Variants in ABCA12 observed in about 807,000 individuals in gnomAD.
The protein encoded by ABCA12 is glucosylceramide transporter ABCA12.
Under a neutral mutation model 293.5 loss-of-function variants are expected in ABCA12, and 156 were observed. The observed-to-expected ratio is 0.53, with a 90% CI of 0.47 to 0.61. The LOEUF (loss-of-function observed/expected upper bound fraction) is 0.61. Ranked by LOEUF, ABCA12 falls within the 20% of genes least tolerant of loss-of-function variation. The pLI is 0.00. For missense variants in ABCA12, 2,797 were observed against 3,090.2 expected (o/e 0.91, Z 2.25); for synonymous variants, 1,063 against 1,108.0 (o/e 0.96, Z 0.81).
chr2:215,033,446 A>C (rs1327825553), intron 8 of ABCA12, among the ~76,000 whole-genome samples: 1 of 152,176 alleles, frequency 6.6e-6, no homozygotes, highest in African/African-American at 2.4e-5. Flanking sequence ...ATAAGTAACT[A>C]ATAGAAAATT....
At chr2:215,123,710 T>C (rs1170410887) in intron 1 of ABCA12, among the ~76,000 whole-genome samples, 1 of 152,228 alleles carries the variant, frequency 6.6e-6, no homozygotes, top group Non-Finnish European at 1.5e-5. Flanking sequence ...AATGTTTTCT[T>C]TTCTCTGCAT....
At chr2:215,040,826 A>C (rs994381452) in intron 7 of ABCA12, among the ~76,000 whole-genome samples, 15 of 129,344 alleles carry the variant, frequency 1.2e-4, no homozygotes, top group Admixed American at 3.5e-4. Flanking sequence ...AACAAACAAA[A>C]AAACAAAAAA....
intron 7 of ABCA12, among the ~76,000 whole-genome samples, chr2:215,045,421 T>C (rs928551343): frequency 7.2e-5 from 11 of 152,222 alleles, no homozygotes; most frequent in Non-Finnish European, 1.5e-5. Flanking sequence ...ACCAATATGG[T>C]TGTTTTATGT....
At chr2:215,074,528 A>ATATT (rs1179601382) in intron 2 of ABCA12, among the ~76,000 whole-genome samples, 3 of 152,230 alleles carry the variant, frequency 2.0e-5, no homozygotes, top group Non-Finnish European at 4.4e-5. Flanking sequence ...AAGCCAATAC[A>ATATT]ATAATATGGG....
At chr2:215,063,954 G>C (rs12694351) in intron 3 of ABCA12, 112 bp downstream of exon 3, 475,849 of 1,335,286 alleles carry the variant, frequency 0.36, 86,770 homozygotes, top group Middle Eastern at 0.41. Flanking sequence ...CACATTTATA[G>C]ACAGAGAAAA....
At chr2:215,087,436 C>G (rs2106102206) in intron 2 of ABCA12, among the ~76,000 whole-genome samples, 1 of 151,180 alleles carries the variant, frequency 6.6e-6, no homozygotes, top group South Asian at 2.1e-4. Flanking sequence ...GTCTTAAGAG[C>G]AAATATAGAT....
At chr2:215,113,809 C>T (rs1252564820) in intron 1 of ABCA12, among the ~76,000 whole-genome samples, 4 of 152,128 alleles carry the variant, frequency 2.6e-5, no homozygotes, top group Non-Finnish European at 4.4e-5. Context: ...GAACCTGTGA[C>T]TTTGTCACTA....
intron 2 of ABCA12, among the ~76,000 whole-genome samples, chr2:215,076,518 G>A (rs201931042): frequency 6.6e-6 from 1 of 152,102 alleles, no homozygotes; most frequent in Non-Finnish European, 1.5e-5. Context: ...AAACACAAGT[G>A]TTGAGAGGAT....
At chr2:215,023,408 G>C (rs759766540) in intron 11 of ABCA12, 7 of 152,184 alleles carry the variant, frequency 4.6e-5, no homozygotes, top group Admixed American at 1.3e-4. Context: ...AAAGAAACGA[G>C]TGTAGTTTAT....
chr2:214,990,101 A>C (rs1316622058), intron 24 of ABCA12, among the ~76,000 whole-genome samples: 2 of 152,234 alleles, frequency 1.3e-5, no homozygotes, highest in African/African-American at 4.8e-5. Flanking sequence ...TTAAACCCAA[A>C]GTTGTCAATG....
chr2:214,978,472 A>G lies in ABCA12; in HGVS notation c.4978-6T>C, dbSNP rs372987762. 9.9e-6 allele frequency: 16 copies of G among 1,612,910 alleles called. No individual in the cohort carries two copies. The highest frequency in any genetic ancestry group is 1.3e-5 in the African/African-American group (1 of 74,920). On this transcript the variant is annotated splice_region_variant and splice_polypyrimidine_tract_variant and intron_variant, in intron 32 of 52. Transcript: ENST00000272895. The stretch of plus-strand genomic sequence containing the variant: ...TTGGTCAAGTTCAGAAAGACCTAGA[A>G]AGAGAAGCCAGATCACTTCATTAAC...
chr2:215,089,830 T>A (rs556814615), intron 2 of ABCA12, among the ~76,000 whole-genome samples: 7 of 152,338 alleles, frequency 4.6e-5, no homozygotes, highest in South Asian at 4.1e-4. Context: ...GACCAGTTTT[T>A]TAAAGCATGA....
At chr2:214,958,093 C>T (rs183288660) in intron 41 of ABCA12, among the ~76,000 whole-genome samples, 184 bp downstream of exon 41, 2 of 152,134 alleles carry the variant, frequency 1.3e-5, no homozygotes, top group African/African-American at 4.8e-5. Flanking sequence ...AGATGAGGGC[C>T]GGTAGGTTAT....
At chr2:215,062,204 G>A (rs186121562) in intron 3 of ABCA12, among the ~76,000 whole-genome samples, 67 of 151,934 alleles carry the variant, frequency 4.4e-4, no homozygotes, top group African/African-American at 1.4e-3. Context: ...TTTTCCCTCC[G>A]CTGCTAGAAC....
intron 38 of ABCA12, 143 bp downstream of exon 38, chr2:214,968,577 G>A (rs1699316317): frequency 1.3e-6 from 1 of 756,178 alleles, no homozygotes; most frequent in African/African-American, 1.7e-5. Flanking sequence ...TACATACACA[G>A]AATTGGAACC....
intron 43 of ABCA12, among the ~76,000 whole-genome samples, chr2:214,954,801 T>A (rs1344277553): frequency 6.6e-6 from 1 of 152,190 alleles, no homozygotes; most frequent in Non-Finnish European, 1.5e-5. Context: ...AGGGGATGAA[T>A]TAGGTTTTTT....
chr2:215,006,450 T>C (rs1461524336), intron 19 of ABCA12, among the ~76,000 whole-genome samples: 1 of 152,218 alleles, frequency 6.6e-6, no homozygotes, highest in African/African-American at 2.4e-5. Context: ...ATTAAATATA[T>C]TAAATGTCTA....
At chr2:215,103,765 A>G (rs944083003) in intron 2 of ABCA12, among the ~76,000 whole-genome samples, 2 of 152,222 alleles carry the variant, frequency 1.3e-5, no homozygotes, top group African/African-American at 4.8e-5. Flanking sequence ...TAATCTAAGT[A>G]TATCAAGTTT....
intron 18 of ABCA12, among the ~76,000 whole-genome samples, chr2:215,010,009 A>T (rs1163581361): frequency 6.6e-6 from 1 of 152,182 alleles, no homozygotes; most frequent in Non-Finnish European, 1.5e-5. Context: ...ATTTTTACAT[A>T]CTTTGAAAGT....
Sources: gnomAD v4.1 joint callset for allele counts (sites outside exome capture counted in the v4.1 genomes callset) on GRCh38, gnomAD v4.1.1 for gene constraint, MANE v1.5 for transcripts, NCBI Gene and HGNC (gene_info 2026-07-23, HGNC 2026-07-21) for gene names.